The following ARID4B variants were observed in gnomAD, a reference collection of about 807,000 sequenced individuals.
ARID4B encodes the protein AT-rich interactive domain-containing protein 4B.
A neutral mutation model predicts 147.5 loss-of-function variants in ARID4B; 26 were observed. That is an observed-to-expected ratio of 0.18 (90% CI 0.13 to 0.24). The LOEUF (loss-of-function observed/expected upper bound fraction) is 0.24. Ranked by LOEUF, ARID4B falls within the 10% of genes least tolerant of loss-of-function variation. ARID4B has a pLI of 1.00. For synonymous variants in ARID4B, 512 were observed against 507.9 expected, an observed-to-expected ratio of 1.01 and a Z score of -0.11; for missense variants, 1,179 against 1,511.5, an observed-to-expected ratio of 0.78 and a Z score of 3.65.
intron 2 of ARID4B, among the ~76,000 whole-genome samples, chr1:235,287,239 A>G (rs1672034165): frequency 6.6e-6 from 1 of 152,024 alleles, no homozygotes; most frequent in African/African-American, 2.4e-5. Context: ...AGCCTGGACG[A>G]CAGAGTAAGA....
intron 2 of ARID4B, among the ~76,000 whole-genome samples, chr1:235,287,249 ACT>A (rs1672035472): frequency 6.6e-6 from 1 of 151,110 alleles, no homozygotes; most frequent in South Asian, 2.1e-4. Flanking sequence ...ACAGAGTAAG[ACT>A]CTGTCTCAGA....
Position 235,302,992 on chromosome 1 carries a change from C to T in ARID4B, c.6+23922G>A, listed in dbSNP as rs555704476. Among the ~76,000 whole-genome samples the T allele has an allele frequency of 7.2e-5, 11 of 151,770 alleles. No individual in the cohort carries two copies. In the East Asian group the frequency reaches 1.9e-3, roughly 27 times the overall value. On this transcript the variant is annotated intron_variant, in intron 2 of 23. Coordinates refer to ENST00000264183, the MANE Select transcript of ARID4B (RefSeq NM_016374.6). ...CTAGGCTGGAGTGCAGTGGCGCGAT[C>T]GGCTCAATGCAAGCTCCGCCTCCCG...
At chr1:235,197,419 A>G (rs1300145116) in intron 17 of ARID4B, among the ~76,000 whole-genome samples, 1 of 152,232 alleles carries the variant, frequency 6.6e-6, no homozygotes, top group Non-Finnish European at 1.5e-5. Context: ...ATAGGCCTGG[A>G]AAGTATCTGT....
chr1:235,306,955 A>T (rs1033529376), intron 2 of ARID4B, among the ~76,000 whole-genome samples: 3 of 152,170 alleles, frequency 2.0e-5, no homozygotes, highest in African/African-American at 4.8e-5. Context: ...ACACTGTACC[A>T]TGCCAAATAA....
chr1:235,210,668 T>G (rs1308728478), intron 17 of ARID4B, among the ~76,000 whole-genome samples: 1 of 152,180 alleles, frequency 6.6e-6, no homozygotes, highest in Non-Finnish European at 1.5e-5. Context: ...ATCCTACAGG[T>G]CTTCATCAAG....
chr1:235,233,245 C>T (rs961554942), intron 9 of ARID4B, among the ~76,000 whole-genome samples: 2 of 152,052 alleles, frequency 1.3e-5, no homozygotes, highest in Non-Finnish European at 2.9e-5. Context: ...CTGAGGAGTT[C>T]GAGACCAGCC....
chr1:235,214,902 C>T lies in ARID4B; in HGVS notation c.1584-876G>A, dbSNP rs554992449. ...CGCCCAGGCTGGAGTGGTGCAATGG[C>T]GCAATCTCGGCTCACTGCAACCTCC... On this transcript the variant is annotated intron_variant, in intron 16 of 23. Coordinates refer to ENST00000264183, the MANE Select transcript of ARID4B (RefSeq NM_016374.6). Among the ~76,000 whole-genome samples, 28 of 130,048 alleles carry T rather than the reference C, an allele frequency of 2.2e-4. No homozygotes were observed. In the South Asian group the frequency reaches 4.5e-3, roughly 21 times the overall value. 85.3% of individuals were successfully genotyped at this position (130,048 alleles called of 152,430 possible). A position where few individuals can be genotyped will look rare whatever the true frequency, so the allele number is the denominator to read the frequency against.
chr1:235,171,114 G>C (rs1237277835), intron 23 of ARID4B, among the ~76,000 whole-genome samples: 2 of 151,992 alleles, frequency 1.3e-5, no homozygotes, highest in African/African-American at 4.8e-5. Flanking sequence ...ATTGGTTTTA[G>C]TTTTAATTTT....
rs190863535 is a variant in ARID4B at position 235,307,422 on chromosome 1, G to C, written c.6+19492C>G. ...ATCACACCGCTAAATTCCAGTCTAA[G>C]TGACAGAGCTAGGCCCTGTCTCTTT... On this transcript the variant is annotated intron_variant, in intron 2 of 23. Coordinates refer to ENST00000264183, the MANE Select transcript of ARID4B (RefSeq NM_016374.6). Among the ~76,000 whole-genome samples the C allele has an allele frequency of 2.0e-3, 312 of 152,308 alleles. 2 individuals are homozygous for C. The highest frequency in any genetic ancestry group is 7.2e-3 in the African/African-American group (301 of 41,582).
chr1:235,180,090 A>C (rs1664198504), intron 20 of ARID4B: 1 of 149,522 alleles, frequency 6.7e-6, no homozygotes, highest in Non-Finnish European at 1.5e-5. Flanking sequence ...CCCCCAAGAA[A>C]ACCTATAACA....
In ARID4B at chr1:235,255,066, G is replaced by C. The variant is rs1266522363; in HGVS notation, c.274+594C>G. On this transcript the variant is annotated intron_variant, in intron 5 of 23. Coordinates refer to ENST00000264183, the MANE Select transcript of ARID4B (RefSeq NM_016374.6). ...ACTAAAGAAATACTAGGATACAGTA[G>C]GTATCCTAATTAAGTACCTAATTAG... Among the ~76,000 whole-genome samples, 4 of 151,652 alleles carry C rather than the reference G, an allele frequency of 2.6e-5. No individual in the cohort carries two copies. The South Asian group carries it at 6.2e-4, about 24-fold the overall frequency.
rs761622378 is a variant in ARID4B, at chr1:235,194,022, C to T, written c.2116G>A (p.Gly706Arg). ...CGATTGTTATGTTTACCTTGAAGTC[C>T]ATTAAGGATCGAAGTAATTTCTATG... ...KSIEITSILN[G>R]LQASESSAED... The change falls in exon 19 of 24, where the codon GGA becomes AGA. Residue 706 changes from glycine to arginine, a missense_variant. Transcript: ENST00000264183. 5 of 1,598,674 alleles carry T rather than the reference C, an allele frequency of 3.1e-6. No individual in the cohort carries two copies. The highest frequency in any genetic ancestry group is 3.4e-6 in the Non-Finnish European group (4 of 1,166,968).
intron 2 of ARID4B, among the ~76,000 whole-genome samples, chr1:235,312,746 GGCGATCACCTGA>G (rs1360863641): frequency 2.0e-5 from 3 of 152,112 alleles, no homozygotes; most frequent in Non-Finnish European, 4.4e-5. Flanking sequence ...AGCCAAGGCA[GGCGATCACCTGA>G]GCTCGGGAGT....
intron 23 of ARID4B, among the ~76,000 whole-genome samples, 194 bp downstream of exon 23, chr1:235,172,424 C>A (rs1195151864): frequency 6.6e-6 from 1 of 151,926 alleles, no homozygotes; most frequent in African/African-American, 2.4e-5. Context: ...CTAAAAAATA[C>A]AAAATTAGCC....
intron 23 of ARID4B, among the ~76,000 whole-genome samples, chr1:235,171,697 T>C (rs1311560909): frequency 6.6e-6 from 1 of 151,974 alleles, no homozygotes; most frequent in Non-Finnish European, 1.5e-5. Context: ...TGGAGTGCAA[T>C]GGCATGATCT....
intron 2 of ARID4B, among the ~76,000 whole-genome samples, chr1:235,305,455 T>G (rs935767646): frequency 6.6e-6 from 1 of 152,110 alleles, no homozygotes; most frequent in African/African-American, 2.4e-5. Context: ...AAACTAGATA[T>G]CCAAGTAAAG....
chr1:235,181,708 C>T lies in ARID4B; in HGVS notation c.3211G>A (p.Val1071Met). 1 of 1,614,158 alleles carries T rather than the reference C, an allele frequency of 6.2e-7. No individual in the cohort carries two copies. Among genetic ancestry groups the T allele is most frequent in the Non-Finnish European group, 8.5e-7 (1 of 1,180,018 alleles). ...IKSETDSTIE[V>M]DSVAGELQDL... ...TGGAGCTCCCCAGCAACACTATCCA[C>T]CTCAATTGTGCTATCAGTTTCACTC... is the stretch of plus-strand genomic sequence containing the variant. Residue 1071 changes from valine (V) to methionine (M), a missense_variant, in exon 20 of 24, where the codon GTG becomes ATG. By Grantham distance (21) the Val-to-Met change is conservative. Transcript: ENST00000264183.
chr1:235,180,961 A>G (rs1276744797), intron 20 of ARID4B: 1 of 281,142 alleles, frequency 3.6e-6, no homozygotes. Context: ...ACTTTTAACA[A>G]TTTCACGGAA....
At chr1:235,174,655 C>A (rs531527158) in intron 22 of ARID4B, among the ~76,000 whole-genome samples, 23 of 151,312 alleles carry the variant, frequency 1.5e-4, no homozygotes, top group Non-Finnish European at 2.7e-4. Context: ...ACAACAACAA[C>A]AAAAAAATTA....
Sources: allele counts gnomAD v4.1 joint callset (sites outside exome capture counted in the v4.1 genomes callset), GRCh38; gene constraint gnomAD v4.1.1; transcripts MANE v1.5; gene names NCBI Gene and HGNC (gene_info 2026-07-23, HGNC 2026-07-21).